Variants in SNN observed in about 807,000 individuals in gnomAD.
The protein encoded by SNN is stannin.
A neutral mutation model predicts 5.3 loss-of-function variants in SNN; 5 were observed. The observed-to-expected ratio is 0.94, with a 90% CI of 0.49 to 1.97. The LOEUF is 1.97. Ranked by LOEUF, SNN falls within the 30% of genes most tolerant of loss-of-function variation. The probability of loss-of-function intolerance (pLI) is 0.01; values close to 1 mark genes in which losing one functional copy is unlikely to be tolerated. For synonymous variants in SNN, 67 were observed against 52.1 expected (o/e 1.29, Z -1.24); for missense variants, 127 against 121.6 (o/e 1.04, Z -0.21).
chr16:11,676,390 CAT>C lies in SNN; in HGVS notation c.*66_*67del. 6.5e-7 allele frequency: 1 copy of C among 1,529,862 alleles called. No homozygotes were observed. The highest frequency in any genetic ancestry group is 1.2e-5 in the South Asian group (1 of 82,482). The allele number at this position is 1,529,862 out of a possible 1,614,324, so 94.8% of individuals were successfully genotyped here. A position where few individuals can be genotyped will look rare whatever the true frequency, so the allele number is the denominator to read the frequency against. On this transcript the variant is annotated 3_prime_UTR_variant, in exon 2 of 2. Coordinates refer to ENST00000329565, the MANE Select transcript of SNN (RefSeq NM_003498.6). ...CAAGAGGCGCTGGGAGGGGCAAAAC[CAT>C]ACGGATGCGCTGCTGTCTGAGAGGA...
chr16:11,669,091 T>C (rs1240023227), intron 1 of SNN, among the ~76,000 whole-genome samples: 1 of 152,142 alleles, frequency 6.6e-6, no homozygotes, highest in African/African-American at 2.4e-5. Context: ...CGATTCGAGC[T>C]ACCTCCCCAG....
Position 11,672,812 on chromosome 16 carries a change from G to A in SNN, c.-85-3163G>A, listed in dbSNP as rs566669372. On this transcript the variant is annotated intron_variant, in intron 1 of 1. Transcript: ENST00000329565. The surrounding 1 kb of genome is among the most constrained non-coding windows in gnomAD (Gnocchi z 6.0). ...TAGAGAATCCCTTTGAGCTGGGGCC[G>A]CCTGTGCCTCAGTTTCCTCATTAGT... Among the ~76,000 whole-genome samples the A allele has an allele frequency of 3.9e-5, 6 of 152,116 alleles. No homozygotes were observed. Among genetic ancestry groups the A allele is most frequent in the African/African-American group, 1.4e-4 (6 of 41,488 alleles).
At chr16:11,674,005 G>A (rs889173309) in intron 1 of SNN, among the ~76,000 whole-genome samples, 3 of 152,236 alleles carry the variant, frequency 2.0e-5, no homozygotes, top group Admixed American at 1.3e-4. Flanking sequence ...CTGGACAGAC[G>A]CTGGGGGCGT....
chr16:11,675,247 CTTTTT>C (rs71136677), intron 1 of SNN, among the ~76,000 whole-genome samples: 27 of 136,790 alleles, frequency 2.0e-4, no homozygotes, highest in Non-Finnish European at 3.8e-4. Context: ...ATTTCTTTTT[CTTTTT>C]TTTTTCTTTT....
At chr16:11,669,509 C>G (rs1490576329) in intron 1 of SNN, among the ~76,000 whole-genome samples, 1 of 152,200 alleles carries the variant, frequency 6.6e-6, no homozygotes, top group East Asian at 1.9e-4. Context: ...TGACCTTGGG[C>G]AATGGACTTA....
At chr16:11,675,849 C>T (rs1275749865) in intron 1 of SNN, 126 bp from the exon 2 acceptor site, 15 of 541,942 alleles carry the variant, frequency 2.8e-5, no homozygotes, top group South Asian at 2.1e-4. Flanking sequence ...GGTGAGCAGA[C>T]GCCTTCGAAC....
chr16:11,671,100 G>A lies in SNN; in HGVS notation c.-86+2560G>A, dbSNP rs1167973523. On this transcript the variant is annotated intron_variant, in intron 1 of 1. Transcript: ENST00000329565. This position sits in a 1 kb window ranked among gnomAD's most constrained non-coding sequence, Gnocchi z 4.7. ...CATGGCTCAGGCTTGTCTTGCAGTT[G>A]TTATTCCTTGGGACATGTGTGGGCT... is the stretch of plus-strand genomic sequence containing the variant. 6.6e-6 allele frequency among the ~76,000 whole-genome samples: 1 copy of A among 152,212 alleles called. No homozygotes were observed. The highest frequency in any genetic ancestry group is 1.9e-4 in the East Asian group (1 of 5,198).
In SNN at chr16:11,668,630, C is replaced by A. The variant is rs1162991863; in HGVS notation, c.-86+90C>A. 77 of 138,142 alleles carry A rather than the reference C, an allele frequency of 5.6e-4. 1 individual carries two copies. Among genetic ancestry groups the A allele is most frequent in the African/African-American group, 1.7e-3 (66 of 38,176 alleles). The allele number at this position is 138,142 out of a possible 1,614,324, so 8.6% of individuals were successfully genotyped here. A position where few individuals can be genotyped will look rare whatever the true frequency, so the allele number is the denominator to read the frequency against. On this transcript the variant is annotated intron_variant, in intron 1 of 1. Coordinates refer to ENST00000329565, the MANE Select transcript of SNN (RefSeq NM_003498.6). The surrounding 1 kb of genome is among the most constrained non-coding windows in gnomAD (Gnocchi z 6.8). ...AGGGGGAGGCCAGGACGAGGAGGGG[C>A]GCGCGCGGCGGCGGGGCCGGGCCGG... is the stretch of plus-strand genomic sequence containing the variant.
In SNN at chr16:11,679,069, G is replaced by T; in HGVS notation, c.*2743G>T. 9.8e-7 allele frequency: 1 copy of T among 1,024,996 alleles called. No homozygotes were observed. The highest frequency in any genetic ancestry group is 1.4e-6 in the Non-Finnish European group (1 of 710,040). The allele number at this position is 1,024,996 out of a possible 1,614,324, so 63.5% of individuals were successfully genotyped here. On this transcript the variant is annotated 3_prime_UTR_variant, in exon 2 of 2. Transcript: ENST00000329565. The surrounding 1 kb of genome is among the most constrained non-coding windows in gnomAD (Gnocchi z 4.6). ...CATCCTTCTTCAATAAATGCTGAAT[G>T]ACATTCAAGCTGATTTTCTAGACCA...
intron 1 of SNN, among the ~76,000 whole-genome samples, chr16:11,673,760 C>T (rs1375735213): frequency 1.3e-5 from 2 of 152,202 alleles, no homozygotes; most frequent in Non-Finnish European, 2.9e-5. Flanking sequence ...TTGCGGGGGT[C>T]AGCGTGGCTG....
Position 11,669,511 on chromosome 16 carries a change from A to G in SNN, c.-86+971A>G, listed in dbSNP as rs149366820. Among the ~76,000 whole-genome samples, 12 of 152,356 alleles carry G rather than the reference A, an allele frequency of 7.9e-5. No homozygotes were observed. The East Asian group carries it at 1.4e-3, about 17-fold the overall frequency. ...CTTTTGAGCTGTGTGACCTTGGGCA[A>G]TGGACTTAACTTCTCTGAGCCACCA... On this transcript the variant is annotated intron_variant, in intron 1 of 1. Transcript: ENST00000329565.
At position 11,672,569 on chromosome 16, in the gene SNN, A is replaced by G. The variant is rs532797269; in HGVS notation, c.-85-3406A>G. 9.2e-5 allele frequency among the ~76,000 whole-genome samples: 14 copies of G among 152,296 alleles called. No individual in the cohort carries two copies. Among genetic ancestry groups the G allele is most frequent in the African/African-American group, 3.4e-4 (14 of 41,564 alleles). ...GAGGATTCTGAGTGGGGAGAACGCCATCACATTTTTGCAAAGATCGTTTCT... is the reference window on the plus strand; with the variant it reads ...GAGGATTCTGAGTGGGGAGAACGCCGTCACATTTTTGCAAAGATCGTTTCT... On this transcript the variant is annotated intron_variant, in intron 1 of 1. Transcript: ENST00000329565. This position sits in a 1 kb window ranked among gnomAD's most constrained non-coding sequence, Gnocchi z 6.0.
At chr16:11,673,984 G>C (rs564415479) in intron 1 of SNN, among the ~76,000 whole-genome samples, 2 of 152,344 alleles carry the variant, frequency 1.3e-5, no homozygotes, top group Admixed American at 6.5e-5. Flanking sequence ...CGGTTTCCCC[G>C]GGCCTGGTCC....
In SNN at chr16:11,671,520, T is replaced by G. The variant is rs1182302810; in HGVS notation, c.-86+2980T>G. 6.6e-6 allele frequency among the ~76,000 whole-genome samples: 1 copy of G among 152,148 alleles called. No individual in the cohort carries two copies. The highest frequency in any genetic ancestry group is 1.5e-5 in the Non-Finnish European group (1 of 68,018). The stretch of plus-strand genomic sequence containing the variant: ...TCACCTCCCTGCGTGCGCCTCAGTT[T>G]CCTCACCTGCCAGATGGAGATGCTA... On this transcript the variant is annotated intron_variant, in intron 1 of 1. Coordinates refer to ENST00000329565, the MANE Select transcript of SNN (RefSeq NM_003498.6). The surrounding 1 kb of genome is among the most constrained non-coding windows in gnomAD (Gnocchi z 4.7).
At chr16:11,675,072 A>G in intron 1 of SNN, among the ~76,000 whole-genome samples, 1 of 151,936 alleles carries the variant, frequency 6.6e-6, no homozygotes, top group East Asian at 1.9e-4. Context: ...TCTACCGCCC[A>G]GCTTCCTTCT....
chr16:11,671,893 G>C lies in SNN; in HGVS notation c.-86+3353G>C, dbSNP rs1033437412. ...CACCCCCTTCCCTCCCTGCCTGCCAGCAAGCATGGAGCCAGCTGCCCTTCC... is the reference window on the plus strand; with the variant it reads ...CACCCCCTTCCCTCCCTGCCTGCCACCAAGCATGGAGCCAGCTGCCCTTCC... On this transcript the variant is annotated intron_variant, in intron 1 of 1. Coordinates refer to ENST00000329565, the MANE Select transcript of SNN (RefSeq NM_003498.6). The surrounding 1 kb of genome is among the most constrained non-coding windows in gnomAD (Gnocchi z 4.7). Among the ~76,000 whole-genome samples the C allele has an allele frequency of 6.6e-6, 1 of 152,190 alleles. No homozygotes were observed. Among genetic ancestry groups the C allele is most frequent in the African/African-American group, 2.4e-5 (1 of 41,462 alleles).
rs2050244921 is a variant in SNN at position 11,668,696 on chromosome 16, CG to C, written c.-86+161del. 1.5e-5 allele frequency among the ~76,000 whole-genome samples: 2 copies of C among 135,366 alleles called. No individual in the cohort carries two copies. Among genetic ancestry groups the C allele is most frequent in the African/African-American group, 5.4e-5 (2 of 37,304 alleles). The allele number at this position is 135,366 out of a possible 152,430, so 88.8% of individuals were successfully genotyped here. A position where few individuals can be genotyped will look rare whatever the true frequency, so the allele number is the denominator to read the frequency against. On this transcript the variant is annotated intron_variant, in intron 1 of 1. Coordinates refer to ENST00000329565, the MANE Select transcript of SNN (RefSeq NM_003498.6). This position sits in a 1 kb window ranked among gnomAD's most constrained non-coding sequence, Gnocchi z 6.8. Reference sequence around the variant, plus strand: ...GAGGGGCGGCCCGGCGGGCGCGGCTCGGGGGAGGGTCCGTTCCAGGGGCCGC... The same window carrying C: ...GAGGGGCGGCCCGGCGGGCGCGGCTCGGGGAGGGTCCGTTCCAGGGGCCGC...
chr16:11,670,284 T>C lies in SNN; in HGVS notation c.-86+1744T>C, dbSNP rs180913165. Among the ~76,000 whole-genome samples, 594 of 152,220 alleles carry C rather than the reference T, an allele frequency of 3.9e-3. 4 individuals are homozygous for C. The highest frequency in any genetic ancestry group is 0.014 in the African/African-American group (570 of 41,496). On this transcript the variant is annotated intron_variant, in intron 1 of 1. Coordinates refer to ENST00000329565, the MANE Select transcript of SNN (RefSeq NM_003498.6). Reference sequence around the variant, plus strand: ...TCCCCTGTAAGCAGGGCAGCCCTCCTGGCGTCTGTCAAGGAGCCTCAGGAG... The same window carrying C: ...TCCCCTGTAAGCAGGGCAGCCCTCCCGGCGTCTGTCAAGGAGCCTCAGGAG...
At position 11,676,026 on chromosome 16, in the gene SNN, G is replaced by C; in HGVS notation, c.-34G>C. 1 of 1,545,710 alleles carries C rather than the reference G, an allele frequency of 6.5e-7. No homozygotes were observed. The highest frequency in any genetic ancestry group is 8.7e-7 in the Non-Finnish European group (1 of 1,142,956). ...GCCTCACTGAGTGGCCACCCCCAAA[G>C]TGCTGCCAGCCGAGGAAGCCCCCAG... On this transcript the variant is annotated 5_prime_UTR_variant, in exon 2 of 2. Coordinates refer to ENST00000329565, the MANE Select transcript of SNN (RefSeq NM_003498.6).
Sources: allele counts gnomAD v4.1 joint callset (sites outside exome capture counted in the v4.1 genomes callset), GRCh38; gene constraint gnomAD v4.1.1; non-coding constraint Gnocchi (gnomAD v3.1); transcripts MANE v1.5; gene names NCBI Gene and HGNC (gene_info 2026-07-23, HGNC 2026-07-21).